Variants in KLHL14 observed in about 807,000 individuals in gnomAD.
KLHL14 encodes kelch like family member 14, also known as kelch-like protein 14.
In KLHL14, 22 loss-of-function variants were observed where a neutral mutation model predicts 64.3. That is an observed-to-expected ratio of 0.34 (90% confidence interval 0.24 to 0.49). The LOEUF is 0.49. Among genes scored for constraint, KLHL14 ranks in the 20% least tolerant of loss-of-function variants. The probability of loss-of-function intolerance (pLI) is 0.99; values close to 1 mark genes in which losing one functional copy is unlikely to be tolerated. For synonymous variants in KLHL14, 322 were observed against 333.4 expected (o/e 0.97, Z 0.37); for missense variants, 661 against 789.0 (o/e 0.84, Z 1.94).
chr18:32,687,769 T>C (rs998925652), intron 4 of KLHL14, among the ~76,000 whole-genome samples: 4 of 152,096 alleles, frequency 2.6e-5, no homozygotes, highest in African/African-American at 9.7e-5. Flanking sequence ...GAAGGAAAGG[T>C]ATAGAGATTT....
At chr18:32,748,789 C>T (rs890092968) in intron 2 of KLHL14, among the ~76,000 whole-genome samples, 7 of 152,152 alleles carry the variant, frequency 4.6e-5, no homozygotes, top group Non-Finnish European at 2.9e-5. Flanking sequence ...TGGGCCTGGC[C>T]TCTTTGCCTC....
At chr18:32,709,383 C>T (rs1370977793) in intron 3 of KLHL14, among the ~76,000 whole-genome samples, 1 of 152,124 alleles carries the variant, frequency 6.6e-6, no homozygotes, top group Non-Finnish European at 1.5e-5. Context: ...TTTAGAAAGC[C>T]CTTCCCTATC....
At chr18:32,675,252 G>T (rs2049805880) in intron 8 of KLHL14, among the ~76,000 whole-genome samples, 1 of 152,134 alleles carries the variant, frequency 6.6e-6, no homozygotes, top group South Asian at 2.1e-4. Context: ...AGTCCCAGCT[G>T]CTTGGGAGGC....
At chr18:32,677,738 C>T (rs1449192924) in intron 7 of KLHL14, among the ~76,000 whole-genome samples, 1 of 152,164 alleles carries the variant, frequency 6.6e-6, no homozygotes, top group Non-Finnish European at 1.5e-5. Flanking sequence ...TTCCATCACT[C>T]TATGAGATAG....
chr18:32,753,119 G>A (rs1049634904), intron 2 of KLHL14, among the ~76,000 whole-genome samples: 12 of 152,018 alleles, frequency 7.9e-5, no homozygotes, highest in South Asian at 2.1e-4. Context: ...TCTAACACAC[G>A]TTAAAATATA....
intron 3 of KLHL14, among the ~76,000 whole-genome samples, chr18:32,703,827 A>G (rs1261059502): frequency 1.3e-5 from 2 of 152,118 alleles, no homozygotes; most frequent in African/African-American, 4.8e-5. Flanking sequence ...AGGAACTTAA[A>G]TGTAGTTTTA....
intron 4 of KLHL14, among the ~76,000 whole-genome samples, chr18:32,688,101 A>G (rs985537146): frequency 5.3e-5 from 8 of 152,222 alleles, no homozygotes; most frequent in Non-Finnish European, 1.0e-4. Flanking sequence ...TTAACATTAA[A>G]ACAAGAAATG....
At chr18:32,756,927 C>G (rs533857460) in intron 2 of KLHL14, among the ~76,000 whole-genome samples, 59 of 152,270 alleles carry the variant, frequency 3.9e-4, no homozygotes, top group Admixed American at 2.0e-3. Flanking sequence ...GTTGAAAATG[C>G]ATTCTACAAC....
rs541174778 is a variant in KLHL14, at chr18:32,707,636, A to G, written c.1070-12084T>C. On this transcript the variant is annotated intron_variant, in intron 3 of 8. Transcript: ENST00000359358. ...ATGTGTACCTGACCAGCCCCCAATAAAACCCCTGGGCTGGAGTTTCTAACC... is the reference window on the plus strand; with the variant it reads ...ATGTGTACCTGACCAGCCCCCAATAGAACCCCTGGGCTGGAGTTTCTAACC... Among the ~76,000 whole-genome samples the G allele has an allele frequency of 7.0e-4, 107 of 152,250 alleles. 1 individual carries two copies. The highest frequency in any genetic ancestry group is 1.1e-3 in the Non-Finnish European group (74 of 68,018).
intron 2 of KLHL14, among the ~76,000 whole-genome samples, chr18:32,753,807 G>A (rs1598577124): frequency 2.6e-5 from 4 of 152,322 alleles, no homozygotes; most frequent in Admixed American, 2.6e-4. Context: ...AGCTTCCTTT[G>A]GTAACTAGGA....
At chr18:32,700,982 GACCAGAACAC>G (rs1275684817) in intron 3 of KLHL14, among the ~76,000 whole-genome samples, 1 of 152,166 alleles carries the variant, frequency 6.6e-6, no homozygotes, top group Non-Finnish European at 1.5e-5. Flanking sequence ...ACAGCAAGAA[GACCAGAACAC>G]AGGGATCTGA....
Position 32,687,641 on chromosome 18 carries a change from G to C in KLHL14, c.1160-408C>G, listed in dbSNP as rs146946090. On this transcript the variant is annotated intron_variant, in intron 4 of 8. Transcript: ENST00000359358. ...CCTTGTATGATGGTATCTCTGGTTA[G>C]AGCCATTTAAAAAACAACAACAACA... Among the ~76,000 whole-genome samples, 742 of 152,218 alleles carry C rather than the reference G, an allele frequency of 4.9e-3. 7 individuals carry two copies. The highest frequency in any genetic ancestry group is 0.016 in the African/African-American group (660 of 41,526).
chr18:32,682,778 T>C (rs1568063331), intron 5 of KLHL14, among the ~76,000 whole-genome samples: 1 of 152,212 alleles, frequency 6.6e-6, no homozygotes, highest in Non-Finnish European at 1.5e-5. Context: ...AAGTGTTTCA[T>C]TGAAAAGACT....
chr18:32,764,230 T>G (rs948731977), intron 2 of KLHL14, among the ~76,000 whole-genome samples: 1 of 152,206 alleles, frequency 6.6e-6, no homozygotes, highest in African/African-American at 2.4e-5. Context: ...TATTTAAGCC[T>G]CTTCTGAATA....
intron 3 of KLHL14, among the ~76,000 whole-genome samples, chr18:32,702,046 T>C (rs2049968727): frequency 6.6e-6 from 1 of 152,228 alleles, no homozygotes; most frequent in Non-Finnish European, 1.5e-5. Flanking sequence ...CATGTTTTCA[T>C]ACATTTAAAA....
chr18:32,723,667 G>A lies in KLHL14; in HGVS notation c.1069+18261C>T, dbSNP rs72950065. Among the ~76,000 whole-genome samples the A allele has an allele frequency of 6.9e-3, 1,057 of 152,254 alleles. 7 individuals are homozygous for A. Among genetic ancestry groups the A allele is most frequent in the Middle Eastern group, 0.024 (7 of 294 alleles). On this transcript the variant is annotated intron_variant, in intron 3 of 8. Coordinates refer to ENST00000359358, the MANE Select transcript of KLHL14 (RefSeq NM_020805.3). Reference sequence around the variant, plus strand: ...TCAATAGCATTACTATCCCCATTGTGTTGATGAGAAAACCAAGGTCAAGGA... The same window carrying A: ...TCAATAGCATTACTATCCCCATTGTATTGATGAGAAAACCAAGGTCAAGGA...
At chr18:32,766,305 G>T (rs566724296) in intron 2 of KLHL14, among the ~76,000 whole-genome samples, 1 of 152,056 alleles carries the variant, frequency 6.6e-6, no homozygotes, top group South Asian at 2.1e-4. Context: ...AACTATTTGG[G>T]TTACTTAAGC....
At chr18:32,753,523 T>A (rs961410999) in intron 2 of KLHL14, among the ~76,000 whole-genome samples, 2 of 152,142 alleles carry the variant, frequency 1.3e-5, no homozygotes, top group African/African-American at 4.8e-5. Context: ...TTTTGCCACA[T>A]TCCTCTAGGC....
chr18:32,732,708 T>C (rs751701360), intron 3 of KLHL14, among the ~76,000 whole-genome samples: 5 of 152,196 alleles, frequency 3.3e-5, no homozygotes, highest in Non-Finnish European at 7.3e-5. Flanking sequence ...ACATGTGACA[T>C]GAAAAGAAAT....
Sources: allele counts gnomAD v4.1 joint callset (sites outside exome capture counted in the v4.1 genomes callset), GRCh38; gene constraint gnomAD v4.1.1; transcripts MANE v1.5; gene names NCBI Gene and HGNC (gene_info 2026-07-23, HGNC 2026-07-21).